THSD7A: variants seen among roughly 807,000 people sequenced by gnomAD.
THSD7A encodes thrombospondin type 1 domain containing 7A, also known as thrombospondin type-1 domain-containing protein 7A.
In THSD7A, 96 loss-of-function variants were observed where a neutral mutation model predicts 231.3. That is an observed-to-expected ratio of 0.41 (90% confidence interval 0.35 to 0.49). The LOEUF (loss-of-function observed/expected upper bound fraction) is 0.49. Ranked by LOEUF, THSD7A falls within the 20% of genes least tolerant of loss-of-function variation. The pLI is 0.05. For synonymous variants in THSD7A, 940 were observed against 743.3 expected, an observed-to-expected ratio of 1.26 and a Z score of -4.30; for missense variants, 2,290 against 2,070.2, an observed-to-expected ratio of 1.11 and a Z score of -2.06.
chr7:11,696,611 G>A (rs892035342), intron 1 of THSD7A, among the ~76,000 whole-genome samples: 8 of 150,458 alleles, frequency 5.3e-5, no homozygotes, highest in African/African-American at 1.7e-4. Flanking sequence ...GACAGGCCCC[G>A]CCAAATCATG....
chr7:11,401,722 A>G, intron 23 of THSD7A, 73 bp downstream of exon 23: 2 of 1,440,592 alleles, frequency 1.4e-6, no homozygotes, highest in Non-Finnish European at 1.8e-6. Flanking sequence ...AACTTTGTTT[A>G]TTTTTAACAG....
intron 1 of THSD7A, among the ~76,000 whole-genome samples, chr7:11,824,792 C>T (rs1784977185): frequency 6.6e-6 from 1 of 151,966 alleles, no homozygotes; most frequent in Non-Finnish European, 1.5e-5. Flanking sequence ...AAAAACAAAG[C>T]AATGTATAAA....
In THSD7A at chr7:11,636,922, C is replaced by A. The variant is rs1424450051; in HGVS notation, c.230G>T (p.Gly77Val). ...CCACACAGCCCTCGTTTGGATGCCT[C>A]CGGGACCACATTCATCTCCCATACA... Reference protein sequence around the residue: ...GRCMGDECGPGGIQTRAVWCA... With the variant: ...GRCMGDECGPVGIQTRAVWCA... The change falls in exon 2 of 28, where the codon GGA becomes GTA. Residue 77 changes from glycine to valine, a missense_variant. Coordinates refer to ENST00000423059, the MANE Select transcript of THSD7A (RefSeq NM_015204.3). The surrounding 1 kb of genome is among the most constrained non-coding windows in gnomAD (Gnocchi z 10.0). 1.9e-6 allele frequency: 3 copies of A among 1,612,470 alleles called. No homozygotes were observed.
intron 12 of THSD7A, 127 bp downstream of exon 12, chr7:11,447,103 T>G: frequency 1.1e-6 from 1 of 907,198 alleles, no homozygotes. Flanking sequence ...CAGCTAAATT[T>G]AAAATATACA....
intron 1 of THSD7A, among the ~76,000 whole-genome samples, chr7:11,778,198 C>CTAGAAACA (rs1453310730): frequency 7.1e-6 from 1 of 141,394 alleles, no homozygotes; most frequent in Non-Finnish European, 1.5e-5. Flanking sequence ...TTCCTATGTA[C>CTAGAAACA]TAGAAACATG....
chr7:11,593,497 C>T lies in THSD7A; in HGVS notation c.1028G>A (p.Cys343Tyr). The part of the protein sequence containing the change: ...KTGKAADLSF[C>Y]QQEKLPMTFQ... The stretch of plus-strand genomic sequence containing the variant: ...GGTCATTGGAAGCTTCTCTTGCTGG[C>T]AAAAGCTGTAAAAGAGCATTGATAT... The change falls in exon 3 of 28, where the codon TGC (cysteine) becomes TAC (tyrosine). Residue 343 changes from cysteine to tyrosine, a missense_variant. Cys to Tyr is a radical substitution (Grantham distance 194). Coordinates refer to ENST00000423059, the MANE Select transcript of THSD7A (RefSeq NM_015204.3). 6.2e-7 allele frequency: 1 copy of T among 1,613,770 alleles called. No individual in the cohort carries two copies. Among genetic ancestry groups the T allele is most frequent in the Non-Finnish European group, 8.5e-7 (1 of 1,179,714 alleles).
At chr7:11,725,416 G>A (rs1562507355) in intron 1 of THSD7A, among the ~76,000 whole-genome samples, 1 of 151,868 alleles carries the variant, frequency 6.6e-6, no homozygotes, top group Non-Finnish European at 1.5e-5. Context: ...TCTTTTTGTT[G>A]TTAGGGTTAT....
chr7:11,719,050 T>A (rs1781251027), intron 1 of THSD7A, among the ~76,000 whole-genome samples: 1 of 151,632 alleles, frequency 6.6e-6, no homozygotes, highest in East Asian at 2.0e-4. Flanking sequence ...ATAAGCAATA[T>A]CGTGTGTGTG....
intron 16 of THSD7A, among the ~76,000 whole-genome samples, chr7:11,421,223 G>T (rs886882663): frequency 1.3e-5 from 2 of 152,106 alleles, no homozygotes; most frequent in African/African-American, 2.4e-5. Flanking sequence ...TCTCATGTTG[G>T]GGGAGGGACC....
At chr7:11,416,433 A>G (rs1783962474) in intron 17 of THSD7A, among the ~76,000 whole-genome samples, 1 of 152,264 alleles carries the variant, frequency 6.6e-6, no homozygotes, top group Non-Finnish European at 1.5e-5. Context: ...TATTTGATGT[A>G]ACTTCAAATC....
intron 4 of THSD7A, among the ~76,000 whole-genome samples, chr7:11,580,061 A>G (rs1052229005): frequency 1.3e-5 from 2 of 152,168 alleles, no homozygotes; most frequent in Non-Finnish European, 2.9e-5. Context: ...TTTTTTTAAA[A>G]TAACATTTAG....
intron 1 of THSD7A, among the ~76,000 whole-genome samples, chr7:11,678,782 G>A (rs1054421450): frequency 6.6e-6 from 1 of 152,130 alleles, no homozygotes; most frequent in Non-Finnish European, 1.5e-5. Flanking sequence ...AAGAGGAGCT[G>A]GTACCATTCC....
chr7:11,469,837 G>C (rs1562634845), intron 9 of THSD7A, 42 bp downstream of exon 9: 1 of 1,399,054 alleles, frequency 7.1e-7, no homozygotes, highest in East Asian at 2.4e-5. Context: ...CTACCGAGGA[G>C]GTTTTCTAGG....
At chr7:11,802,479 T>C (rs560172368) in intron 1 of THSD7A, among the ~76,000 whole-genome samples, 16 of 152,140 alleles carry the variant, frequency 1.1e-4, no homozygotes, top group African/African-American at 3.6e-4. Flanking sequence ...AGGAGGGACA[T>C]GGTAAGAAAG....
intron 6 of THSD7A, among the ~76,000 whole-genome samples, chr7:11,511,378 A>G (rs1334710149): frequency 6.6e-6 from 1 of 152,230 alleles, no homozygotes; most frequent in Non-Finnish European, 1.5e-5. Context: ...TTATAGATTC[A>G]ATGCCATCCC....
chr7:11,684,705 CA>C (rs1779974130), intron 1 of THSD7A, among the ~76,000 whole-genome samples: 1 of 151,730 alleles, frequency 6.6e-6, no homozygotes, highest in Non-Finnish European at 1.5e-5. Context: ...GGGGGACTAC[CA>C]AACACGGCTG....
chr7:11,394,082 A>G (rs1265842440), intron 23 of THSD7A, among the ~76,000 whole-genome samples: 1 of 152,214 alleles, frequency 6.6e-6, no homozygotes, highest in Non-Finnish European at 1.5e-5. Context: ...ACAAAGGTTG[A>G]AATGAACGAA....
intron 1 of THSD7A, among the ~76,000 whole-genome samples, chr7:11,803,567 G>T (rs1784330668): frequency 6.6e-6 from 1 of 152,068 alleles, no homozygotes. Flanking sequence ...TTAAATATCA[G>T]CATTTTGCTT....
Position 11,824,063 on chromosome 7 carries a change from C to T in THSD7A, c.190+7694G>A, listed in dbSNP as rs560621662. On this transcript the variant is annotated intron_variant, in intron 1 of 27. Coordinates refer to ENST00000423059, the MANE Select transcript of THSD7A (RefSeq NM_015204.3). The stretch of plus-strand genomic sequence containing the variant: ...ATTTAATGCTGTCATCACTTGAATG[C>T]ATTTTAAACTATCAGTGTAAAGTTC... Among the ~76,000 whole-genome samples the T allele has an allele frequency of 6.3e-3, 960 of 152,108 alleles. 9 individuals carry two copies. Among genetic ancestry groups the T allele is most frequent in the Non-Finnish European group, 0.011 (756 of 67,888 alleles).
Sources: allele counts gnomAD v4.1 joint callset (sites outside exome capture counted in the v4.1 genomes callset), GRCh38; gene constraint gnomAD v4.1.1; non-coding constraint Gnocchi (gnomAD v3.1); transcripts MANE v1.5; gene names NCBI Gene and HGNC (gene_info 2026-07-23, HGNC 2026-07-21).